LUZP2: variants seen among roughly 807,000 people sequenced by gnomAD.
LUZP2 encodes leucine zipper protein 2.
Under a neutral mutation model 51.6 loss-of-function variants are expected in LUZP2, and 52 were observed. The observed-to-expected ratio is 1.01, with a 90% CI of 0.81 to 1.27. LUZP2 has a LOEUF of 1.27. Among genes scored for constraint, LUZP2 ranks in the 50% most tolerant of loss-of-function variants. The pLI is 0.00. For missense variants in LUZP2, 436 were observed against 395.4 expected, an observed-to-expected ratio of 1.10 and a Z score of -0.87; for synonymous variants, 154 against 137.3, an observed-to-expected ratio of 1.12 and a Z score of -0.85.
At chr11:24,969,985 C>A (rs1475743545) in intron 7 of LUZP2, among the ~76,000 whole-genome samples, 2 of 152,056 alleles carry the variant, frequency 1.3e-5, no homozygotes, top group Non-Finnish European at 2.9e-5. Context: ...TTAAGATGAA[C>A]CATGCATTTG....
At chr11:24,578,374 A>T (rs1319974515) in intron 1 of LUZP2, among the ~76,000 whole-genome samples, 1 of 152,098 alleles carries the variant, frequency 6.6e-6, no homozygotes, top group Non-Finnish European at 1.5e-5. Context: ...ATACTTTATG[A>T]TAAAGAAAAA....
chr11:24,887,106 T>C (rs1486687), intron 5 of LUZP2, among the ~76,000 whole-genome samples: 2,920 of 152,258 alleles, frequency 0.019, 39 homozygotes, highest in Middle Eastern at 0.034. Context: ...CTGACCTCTT[T>C]CACTGTGCTG....
chr11:24,705,933 GAA>G (rs71041793), intron 1 of LUZP2, among the ~76,000 whole-genome samples: 2 of 123,572 alleles, frequency 1.6e-5, no homozygotes, highest in East Asian at 2.3e-4. Flanking sequence ...CGCTAAAAAA[GAA>G]AAAAAAAAAA....
Position 25,081,770 on chromosome 11 carries a change from T to C in LUZP2, c.*3112T>C, listed in dbSNP as rs1859466165. 1 of 152,300 alleles carries C rather than the reference T, an allele frequency of 6.6e-6. No individual in the cohort carries two copies. The highest frequency in any genetic ancestry group is 2.1e-4 in the South Asian group (1 of 4,830). 9.4% of individuals were successfully genotyped at this position (152,300 alleles called of 1,614,324 possible). ...CTATAGATAGTATAATTCTATTATG[T>C]ACCTGTAATGATAAGCATTGAAAGA... On this transcript the variant is annotated 3_prime_UTR_variant, in exon 12 of 12. Coordinates refer to ENST00000336930, the MANE Select transcript of LUZP2 (RefSeq NM_001009909.4).
At chr11:24,957,067 T>A (rs1349091581) in intron 7 of LUZP2, among the ~76,000 whole-genome samples, 2 of 152,248 alleles carry the variant, frequency 1.3e-5, no homozygotes, top group African/African-American at 2.4e-5. Flanking sequence ...GGACTGAAGT[T>A]GTTTTATTTG....
chr11:24,754,637 A>G (rs1001131334), intron 4 of LUZP2, among the ~76,000 whole-genome samples: 4 of 152,158 alleles, frequency 2.6e-5, no homozygotes, highest in African/African-American at 9.7e-5. Flanking sequence ...TATGAAGCAT[A>G]TCAACTGCTT....
At chr11:24,919,997 T>G (rs1853981928) in intron 7 of LUZP2, among the ~76,000 whole-genome samples, 1 of 151,814 alleles carries the variant, frequency 6.6e-6, no homozygotes, top group Non-Finnish European at 1.5e-5. Flanking sequence ...TTGTGTTCCT[T>G]TAAGAGATTA....
At chr11:24,875,933 CA>C (rs1852246356) in intron 5 of LUZP2, among the ~76,000 whole-genome samples, 1 of 150,862 alleles carries the variant, frequency 6.6e-6, no homozygotes, top group African/African-American at 2.5e-5. Flanking sequence ...GTCCTTTGCC[CA>C]CTTTTTGATG....
chr11:24,667,348 TA>T (rs912706624), intron 1 of LUZP2, among the ~76,000 whole-genome samples: 2 of 151,968 alleles, frequency 1.3e-5, no homozygotes, highest in African/African-American at 4.8e-5. Context: ...CATGCTTGGC[TA>T]ATTTTTTTTG....
At chr11:24,550,810 A>G (rs1013510552) in intron 1 of LUZP2, among the ~76,000 whole-genome samples, 2 of 152,062 alleles carry the variant, frequency 1.3e-5, no homozygotes, top group African/African-American at 2.4e-5. Flanking sequence ...ACAGTGGCTT[A>G]TACCTGTAAT....
rs139534427 is a variant in LUZP2, at chr11:24,697,012, A to G, written c.63-32157A>G. 3.3e-5 allele frequency among the ~76,000 whole-genome samples: 5 copies of G among 152,268 alleles called. No homozygotes were observed. In the East Asian group the frequency reaches 9.7e-4, roughly 29 times the overall value. The stretch of plus-strand genomic sequence containing the variant: ...GGTAAAGATTAGCATGGCTAGAGTT[A>G]CATAAACTAGGAGAAATATATGGAT... On this transcript the variant is annotated intron_variant, in intron 1 of 11. Transcript: ENST00000336930.
intron 5 of LUZP2, among the ~76,000 whole-genome samples, chr11:24,806,509 C>A (rs370432589): frequency 3.9e-5 from 6 of 152,134 alleles, no homozygotes; most frequent in African/African-American, 1.4e-4. Flanking sequence ...TAATAAAATC[C>A]AATTGCTTAT....
At chr11:25,065,732 A>G (rs1438724370) in intron 10 of LUZP2, among the ~76,000 whole-genome samples, 1 of 152,066 alleles carries the variant, frequency 6.6e-6, no homozygotes, top group Admixed American at 6.6e-5. Flanking sequence ...GGAATGAGGC[A>G]AAGAATATAT....
intron 1 of LUZP2, among the ~76,000 whole-genome samples, chr11:24,582,538 A>T (rs2133824537): frequency 6.6e-6 from 1 of 152,262 alleles, no homozygotes. Context: ...TATGTAAAGT[A>T]AAAATGAAAT....
intron 5 of LUZP2, among the ~76,000 whole-genome samples, chr11:24,851,243 G>T (rs187629310): frequency 3.3e-4 from 51 of 152,304 alleles, no homozygotes; most frequent in Non-Finnish European, 6.6e-4. Context: ...GGTATTGGCT[G>T]TGGGTTTGTG....
intron 5 of LUZP2, among the ~76,000 whole-genome samples, chr11:24,796,059 A>G (rs1305386341): frequency 2.0e-5 from 3 of 152,128 alleles, no homozygotes; most frequent in Non-Finnish European, 4.4e-5. Flanking sequence ...ATAAATTAAT[A>G]ATAAATAAAT....
At chr11:24,787,139 C>G (rs1403490760) in intron 5 of LUZP2, among the ~76,000 whole-genome samples, 2 of 152,134 alleles carry the variant, frequency 1.3e-5, no homozygotes, top group Non-Finnish European at 2.9e-5. Flanking sequence ...GGGTACCCTT[C>G]TGAAACACTG....
At chr11:25,015,816 A>T (rs764372231) in intron 9 of LUZP2, among the ~76,000 whole-genome samples, 2 of 151,296 alleles carry the variant, frequency 1.3e-5, no homozygotes, top group South Asian at 4.2e-4. Context: ...TTCATTTACT[A>T]TGTATTTACT....
chr11:24,964,687 C>A (rs1322677239), intron 7 of LUZP2, among the ~76,000 whole-genome samples: 2 of 151,954 alleles, frequency 1.3e-5, no homozygotes, highest in Non-Finnish European at 2.9e-5. Context: ...TTCAAGTAGA[C>A]AAAGGCAAAA....
Sources: gnomAD v4.1 joint callset for allele counts (sites outside exome capture counted in the v4.1 genomes callset) on GRCh38, gnomAD v4.1.1 for gene constraint, MANE v1.5 for transcripts, NCBI Gene and HGNC (gene_info 2026-07-23, HGNC 2026-07-21) for gene names.